SLC40A1: variants seen among roughly 807,000 people sequenced by gnomAD.
SLC40A1 encodes the protein solute carrier family 40 member 1, also known as ferroportin.
A neutral mutation model predicts 53.5 loss-of-function variants in SLC40A1; 16 were observed. That is an observed-to-expected ratio of 0.30 (90% CI 0.20 to 0.45). The LOEUF (loss-of-function observed/expected upper bound fraction) is 0.45. Ranked by LOEUF, SLC40A1 falls within the 20% of genes least tolerant of loss-of-function variation. The pLI, the probability that SLC40A1 is intolerant of heterozygous loss-of-function variation, is 1.00. For missense variants in SLC40A1, 545 were observed against 695.4 expected (o/e 0.78, Z 2.43); for synonymous variants, 247 against 253.2 (o/e 0.98, Z 0.23).
chr2:189,579,695 G>T, intron 2 of SLC40A1, 118 bp downstream of exon 2: 2 of 881,314 alleles, frequency 2.3e-6, no homozygotes, highest in Non-Finnish European at 3.9e-6. Flanking sequence ...TGTGTACTTG[G>T]ATGATTTATT....
At chr2:189,570,333 A>G (rs896303447) in intron 5 of SLC40A1, among the ~76,000 whole-genome samples, 1 of 152,122 alleles carries the variant, frequency 6.6e-6, no homozygotes, top group Admixed American at 6.5e-5. Flanking sequence ...TCCAACAAAT[A>G]TATGTGTGAT....
chr2:189,572,993 C>T (rs2031179394), intron 3 of SLC40A1, 32 bp from the exon 4 acceptor site: 2 of 1,401,234 alleles, frequency 1.4e-6, no homozygotes, highest in South Asian at 1.2e-5. Flanking sequence ...GTGTACATTA[C>T]ATCAAAATGT....
At chr2:189,568,346 G>A (rs1246018916) in intron 5 of SLC40A1, among the ~76,000 whole-genome samples, 9 of 152,100 alleles carry the variant, frequency 5.9e-5, no homozygotes, top group African/African-American at 2.2e-4. Context: ...AAAATTAGCC[G>A]GGCATGGTGG....
Position 189,565,371 on chromosome 2 carries a change from T to A in SLC40A1, c.743A>T (p.Gln248Leu), listed in dbSNP as rs147246197. Residue 248 changes from glutamine to leucine, a missense_variant, in exon 6 of 8, where the codon CAG becomes CTG. Coordinates refer to ENST00000261024, the MANE Select transcript of SLC40A1 (RefSeq NM_014585.6). ...CAGTTTACCTTTGTGTAAATTCAGC[T>A]GTTTCAATTCAGTTTCCTCTTCTTT... is the stretch of plus-strand genomic sequence containing the variant. Reference protein sequence around the residue: ...GLKEEETELKQLNLHKDTEPK... With the variant: ...GLKEEETELKLLNLHKDTEPK... The A allele has an allele frequency of 1.2e-6, 2 of 1,614,156 alleles. No individual in the cohort carries two copies. The highest frequency in any genetic ancestry group is 2.7e-5 in the African/African-American group (2 of 74,960).
chr2:189,580,136 CA>C (rs2031409021), intron 1 of SLC40A1, among the ~76,000 whole-genome samples: 1 of 144,754 alleles, frequency 6.9e-6, no homozygotes, highest in Non-Finnish European at 1.5e-5. Context: ...ACTCTTGTTT[CA>C]GCATTCTTTT....
At chr2:189,579,319 A>C (rs1245061685) in intron 2 of SLC40A1, among the ~76,000 whole-genome samples, 2 of 152,240 alleles carry the variant, frequency 1.3e-5, no homozygotes, top group Non-Finnish European at 2.9e-5. Flanking sequence ...TCTGGGGGTC[A>C]TTTATGTTTC....
chr2:189,567,719 A>C (rs1433081192), intron 5 of SLC40A1, among the ~76,000 whole-genome samples: 2 of 152,216 alleles, frequency 1.3e-5, no homozygotes, highest in Non-Finnish European at 2.9e-5. Flanking sequence ...ATTGCTTTCC[A>C]ATTAGCCCTA....
chr2:189,561,435 A>G lies in SLC40A1; in HGVS notation c.*443T>C, dbSNP rs1261772796. 6.0e-6 allele frequency: 1 copy of G among 167,606 alleles called. No homozygotes were observed. The highest frequency in any genetic ancestry group is 1.3e-5 in the Non-Finnish European group (1 of 77,166). 10.4% of individuals were successfully genotyped at this position (167,606 alleles called of 1,614,324 possible). On this transcript the variant is annotated 3_prime_UTR_variant, in exon 8 of 8. Transcript: ENST00000261024. ...ATCAAAATTTAGTCTTCATACTTGA[A>G]GAATTTGTTTTTAAAAATAACTAAG...
At chr2:189,565,878 CAACA>C (rs1233080560) in intron 5 of SLC40A1, among the ~76,000 whole-genome samples, 1 of 151,994 alleles carries the variant, frequency 6.6e-6, no homozygotes. Flanking sequence ...TCATTTTTTT[CAACA>C]AATATATCTT....
In SLC40A1 at chr2:189,562,113, C is replaced by T. The variant is rs1553492997; in HGVS notation, c.1481G>A (p.Gly494Asp). 6.2e-7 allele frequency: 1 copy of T among 1,613,824 alleles called. No homozygotes were observed. The highest frequency in any genetic ancestry group is 8.5e-7 in the Non-Finnish European group (1 of 1,179,778). The change falls in exon 8 of 8, where the codon GGT (glycine) becomes GAT (aspartate). Residue 494 changes from glycine to aspartate, a missense_variant. Physicochemically the swap from Gly to Asp is moderately conservative, Grantham distance 94 (BLOSUM62 -1). Around this residue, in one of 4 missense-constraint regions of SLC40A1, gnomAD observed 234 missense variants for 299.0 expected, o/e 0.78. Transcript: ENST00000261024. ...AAGATAGTTCATGGAGTTCTGTACA[C>T]CATTTATAATGCCTCTTTCAGATTC... ...VIESERGIIN[G>D]VQNSMNYLLD...
intron 5 of SLC40A1, among the ~76,000 whole-genome samples, chr2:189,571,445 TAA>T (rs60804551): frequency 6.1e-5 from 9 of 147,040 alleles, no homozygotes; most frequent in Non-Finnish European, 7.5e-5. Flanking sequence ...AATTTTTTTT[TAA>T]AAAAAAAAAA....
At chr2:189,563,327 G>GA (rs1187297631) in intron 7 of SLC40A1, among the ~76,000 whole-genome samples, 1 of 148,148 alleles carries the variant, frequency 6.8e-6, no homozygotes, top group Non-Finnish European at 1.5e-5. Context: ...TATTCATTTA[G>GA]AAAAAATTAT....
rs2031419130 is a variant in SLC40A1, at chr2:189,580,317, G to A, written c.43+101C>T. On this transcript the variant is annotated intron_variant, in intron 1 of 7. Coordinates refer to ENST00000261024, the MANE Select transcript of SLC40A1 (RefSeq NM_014585.6). ...CAAAGGATCTTTTTACAAAGCTATG[G>A]TTCACAGCAGAGCCACATTCCTCCA... The A allele has an allele frequency of 5.9e-6, 7 of 1,189,834 alleles. No homozygotes were observed. In the South Asian group the frequency reaches 8.5e-5, roughly 14 times the overall value. 73.7% of individuals were successfully genotyped at this position (1,189,834 alleles called of 1,614,324 possible). A position where few individuals can be genotyped will look rare whatever the true frequency, so the allele number is the denominator to read the frequency against.
rs1227165313 is a variant in SLC40A1, at chr2:189,580,453, C to T, written c.8G>A (p.Arg3Lys). 1.2e-6 allele frequency: 2 copies of T among 1,613,794 alleles called. No individual in the cohort carries two copies. The highest frequency in any genetic ancestry group is 8.5e-7 in the Non-Finnish European group (1 of 1,180,018). Residue 3 changes from arginine to lysine, a missense_variant, in exon 1 of 8, where the codon AGG becomes AAG. Transcript: ENST00000261024. MT[R>K]AGDHNRQRGC... ...TCTCTGGCGGTTGTGATCTCCCGCC[C>T]TGGTCATGACACTAGGCGACCCCGC...
At chr2:189,571,387 A>G (rs1236848247) in intron 5 of SLC40A1, among the ~76,000 whole-genome samples, 1 of 151,646 alleles carries the variant, frequency 6.6e-6, no homozygotes. Flanking sequence ...GTAAAATCTC[A>G]TGTCAGATTT....
At chr2:189,563,434 T>A in intron 7 of SLC40A1, 150 bp downstream of exon 7, 1 of 620,466 alleles carries the variant, frequency 1.6e-6, no homozygotes, top group African/African-American at 1.8e-5. Flanking sequence ...AAATATAAAG[T>A]ATAAATATGT....
chr2:189,573,295 A>G (rs1182139679), intron 3 of SLC40A1, among the ~76,000 whole-genome samples: 2 of 152,238 alleles, frequency 1.3e-5, no homozygotes, highest in African/African-American at 4.8e-5. Context: ...CATGATCCAC[A>G]TTTCAGCTCT....
intron 2 of SLC40A1, chr2:189,578,253 T>A (rs950709100): frequency 9.0e-6 from 9 of 999,472 alleles, no homozygotes; most frequent in Non-Finnish European, 1.1e-5. Context: ...TGCACTCCTT[T>A]GCAGCGGAAA....
intron 2 of SLC40A1, among the ~76,000 whole-genome samples, chr2:189,577,606 T>G (rs2031329236): frequency 7.3e-6 from 1 of 137,540 alleles, no homozygotes; most frequent in Non-Finnish European, 1.5e-5. Context: ...TCCTTGACAA[T>G]AGTATCCACT....
Sources: gnomAD v4.1 joint callset for allele counts (sites outside exome capture counted in the v4.1 genomes callset) on GRCh38, gnomAD v4.1.1 for gene constraint, gnomAD v4.1.1 regional missense constraint, MANE v1.5 for transcripts, NCBI Gene and HGNC (gene_info 2026-07-23, HGNC 2026-07-21) for gene names.